Variants in TTC7A observed in about 807,000 individuals in gnomAD.
TTC7A encodes the protein tetratricopeptide repeat domain 7A, also known as tetratricopeptide repeat protein 7A.
In TTC7A, 110 loss-of-function variants were observed where a neutral mutation model predicts 103.7. That is an observed-to-expected ratio of 1.06 (90% CI 0.91 to 1.24). The LOEUF is 1.24. TTC7A is among the 50% of genes most tolerant of loss of function. The probability of loss-of-function intolerance (pLI) is 0.00; values close to 1 mark genes in which losing one functional copy is unlikely to be tolerated. For missense variants in TTC7A, 1,340 were observed against 1,116.3 expected, an observed-to-expected ratio of 1.20 and a Z score of -2.86; for synonymous variants, 521 against 467.9, an observed-to-expected ratio of 1.11 and a Z score of -1.47.
intron 8 of TTC7A, among the ~76,000 whole-genome samples, chr2:46,998,575 A>G (rs1676464807): frequency 6.6e-6 from 1 of 152,050 alleles, no homozygotes; most frequent in Non-Finnish European, 1.5e-5. Flanking sequence ...TTGGGGAGAA[A>G]CCTCTAGAAC....
At chr2:46,972,300 T>A (rs1673438011) in intron 3 of TTC7A, among the ~76,000 whole-genome samples, 1 of 152,250 alleles carries the variant, frequency 6.6e-6, no homozygotes, top group East Asian at 1.9e-4. Flanking sequence ...TCTTACAGAT[T>A]GTTTTTATTT....
At chr2:47,041,047 C>A (rs1230096323) in intron 15 of TTC7A, among the ~76,000 whole-genome samples, 2 of 152,144 alleles carry the variant, frequency 1.3e-5, no homozygotes, top group Non-Finnish European at 1.5e-5. Flanking sequence ...ACTTTTTGGC[C>A]TTGCCCAGTG....
In TTC7A at chr2:46,952,747, G is replaced by A. The variant is rs556715801; in HGVS notation, c.348+2221G>A. Among the ~76,000 whole-genome samples, 25 of 152,304 alleles carry A rather than the reference G, an allele frequency of 1.6e-4. No individual in the cohort carries two copies. In the South Asian group the frequency reaches 4.8e-3, roughly 29 times the overall value. ...AGCCTGGGTGACAGAGCAAGATCCT[G>A]TCTCACACACACAAAAAAAGTTCTT... On this transcript the variant is annotated intron_variant, in intron 2 of 19. Transcript: ENST00000319190.
chr2:46,963,715 A>G lies in TTC7A; in HGVS notation c.517+6708A>G, dbSNP rs1016653730. The stretch of plus-strand genomic sequence containing the variant: ...TAGAAAGTTGTTGGAGCAGCATGGC[A>G]TCAGGCATAGCTGAATCCGGGGGCT... On this transcript the variant is annotated intron_variant, in intron 3 of 19. Coordinates refer to ENST00000319190, the MANE Select transcript of TTC7A (RefSeq NM_020458.4). Among the ~76,000 whole-genome samples, 4 of 151,206 alleles carry G rather than the reference A, an allele frequency of 2.6e-5. No homozygotes were observed. In the East Asian group the frequency reaches 5.8e-4, roughly 22 times the overall value.
At chr2:47,024,970 C>T (rs145631521) in intron 14 of TTC7A, among the ~76,000 whole-genome samples, 17 of 152,314 alleles carry the variant, frequency 1.1e-4, no homozygotes, top group South Asian at 4.1e-4. Context: ...TTTCCTGTGG[C>T]GCCTCAGCCT....
intron 4 of TTC7A, among the ~76,000 whole-genome samples, chr2:46,977,125 C>G (rs914940338): frequency 6.6e-6 from 1 of 152,156 alleles, no homozygotes; most frequent in African/African-American, 2.4e-5. Flanking sequence ...GGGATTAAGG[C>G]GATGAGCTAT....
At chr2:47,010,635 T>G (rs1446866823) in intron 10 of TTC7A, among the ~76,000 whole-genome samples, 1 of 152,156 alleles carries the variant, frequency 6.6e-6, no homozygotes, top group Non-Finnish European at 1.5e-5. Flanking sequence ...CCTTCCTCTC[T>G]GCCAGCCTTT....
At chr2:47,011,193 C>G in intron 10 of TTC7A, 138 bp from the exon 11 acceptor site, 1 of 691,200 alleles carries the variant, frequency 1.4e-6, no homozygotes. Context: ...CTAGGCTTCT[C>G]TGCCCTGGAC....
chr2:46,946,249 A>G (rs535608874), intron 1 of TTC7A, among the ~76,000 whole-genome samples: 4 of 152,206 alleles, frequency 2.6e-5, no homozygotes, highest in Non-Finnish European at 5.9e-5. Context: ...CAGATTCACT[A>G]TCGGTCTGAT....
chr2:46,952,383 A>C lies in TTC7A; in HGVS notation c.348+1857A>C, dbSNP rs189897867. ...TAATTAAATGTTAAATTAAATATTT[A>C]AAAATTGTTTTTAAAATAAACATGA... is the stretch of plus-strand genomic sequence containing the variant. On this transcript the variant is annotated intron_variant, in intron 2 of 19. Coordinates refer to ENST00000319190, the MANE Select transcript of TTC7A (RefSeq NM_020458.4). Among the ~76,000 whole-genome samples, 7 of 152,322 alleles carry C rather than the reference A, an allele frequency of 4.6e-5. No homozygotes were observed. In the East Asian group the frequency reaches 1.3e-3, roughly 29 times the overall value.
chr2:46,995,106 C>G (rs1304776622), intron 7 of TTC7A, 30 bp from the exon 8 acceptor site: 1 of 1,612,840 alleles, frequency 6.2e-7, no homozygotes, highest in Non-Finnish European at 8.5e-7. Flanking sequence ...GGTGTGTGCT[C>G]TAGCCAGGCC....
intron 3 of TTC7A, among the ~76,000 whole-genome samples, chr2:46,973,438 C>G (rs563308132): frequency 5.3e-5 from 8 of 152,358 alleles, no homozygotes; most frequent in South Asian, 2.1e-4. Context: ...ATTTATCCCC[C>G]GTCAGGGAGG....
At chr2:46,996,335 ATAGGTTTT>A (rs762876127) in intron 8 of TTC7A, among the ~76,000 whole-genome samples, 5 of 152,188 alleles carry the variant, frequency 3.3e-5, no homozygotes, top group Non-Finnish European at 4.4e-5. Context: ...AGGTTGAGAA[ATAGGTTTT>A]TAAAAAAACG....
In TTC7A at chr2:47,060,813, T is replaced by C; in HGVS notation, c.2197T>C (p.Cys733Arg). ...EQQHLKEAGF[C>R]IQEAAGLFPT... ...GCAGCACCTCAAGGAAGCAGGTTTCTGCATCCAGGAGGCGGCGGGCCTCTT... is the reference window on the plus strand; with the variant it reads ...GCAGCACCTCAAGGAAGCAGGTTTCCGCATCCAGGAGGCGGCGGGCCTCTT... Residue 733 changes from cysteine to arginine, a missense_variant, in exon 19 of 20, where the codon TGC becomes CGC. Coordinates refer to ENST00000319190, the MANE Select transcript of TTC7A (RefSeq NM_020458.4). The C allele has an allele frequency of 5.6e-6, 9 of 1,613,292 alleles. No homozygotes were observed. The highest frequency in any genetic ancestry group is 3.3e-5 in the South Asian group (3 of 91,028).
intron 14 of TTC7A, among the ~76,000 whole-genome samples, chr2:47,025,366 G>A (rs975428321): frequency 2.6e-5 from 4 of 152,190 alleles, no homozygotes; most frequent in Admixed American, 2.0e-4. Flanking sequence ...AGCCCACGGG[G>A]TCTAGGTACC....
In TTC7A at chr2:47,029,257, C is replaced by T. The variant is rs1485532969; in HGVS notation, c.1675C>T (p.Leu559=). The change falls in exon 15 of 20, where the codon CTG becomes TTG. Residue 559 remains leucine, a synonymous_variant. Transcript: ENST00000319190. ...TGCCATGGAGCAGCTGCAGGAGGCC[C>T]TGAAGGTACGCAAGGATGATGCCCA... ...SSAMEQLQEA[L]KVRKDDAHAL... is the part of the protein sequence containing the mutation. The T allele has an allele frequency of 6.2e-7, 1 of 1,613,868 alleles. No individual in the cohort carries two copies. The highest frequency in any genetic ancestry group is 8.5e-7 in the Non-Finnish European group (1 of 1,180,030).
chr2:46,982,258 C>T (rs1674544507), intron 5 of TTC7A, among the ~76,000 whole-genome samples: 2 of 151,790 alleles, frequency 1.3e-5, no homozygotes, highest in South Asian at 4.1e-4. Flanking sequence ...CCTGTAGTCT[C>T]AGCTACTTGG....
chr2:46,960,614 G>A (rs75966292), intron 3 of TTC7A, among the ~76,000 whole-genome samples: 3,095 of 152,326 alleles, frequency 0.02, 46 homozygotes, highest in Non-Finnish European at 0.03. Flanking sequence ...GCACATTACC[G>A]TTGGTGAGAC....
intron 11 of TTC7A, among the ~76,000 whole-genome samples, chr2:47,012,220 T>C (rs995322423): frequency 6.6e-6 from 1 of 152,232 alleles, no homozygotes; most frequent in Non-Finnish European, 1.5e-5. Flanking sequence ...TGTGCAGGTA[T>C]CTCTTCCGAC....
Sources: allele counts gnomAD v4.1 joint callset (sites outside exome capture counted in the v4.1 genomes callset), GRCh38; gene constraint gnomAD v4.1.1; transcripts MANE v1.5; gene names NCBI Gene and HGNC (gene_info 2026-07-23, HGNC 2026-07-21).